The following TPD52 variants were observed in gnomAD, a reference collection of about 807,000 sequenced individuals.
TPD52 encodes prostate and colon associated protein.
Under a neutral mutation model 31.3 loss-of-function variants are expected in TPD52, and 17 were observed. The observed-to-expected ratio is 0.54, with a 90% confidence interval of 0.37 to 0.82. The LOEUF (loss-of-function observed/expected upper bound fraction) is 0.82. Ranked by LOEUF, TPD52 falls within the 40% of genes least tolerant of loss-of-function variation. TPD52 has a pLI of 0.00. For synonymous variants in TPD52, 83 were observed against 89.6 expected, an observed-to-expected ratio of 0.93 and a Z score of 0.42; for missense variants, 212 against 240.1, an observed-to-expected ratio of 0.88 and a Z score of 0.77.
chr8:80,126,273 A>C (rs1406540148), intron 1 of TPD52, among the ~76,000 whole-genome samples: 2 of 151,968 alleles, frequency 1.3e-5, no homozygotes, highest in Non-Finnish European at 2.9e-5. Context: ...CTCAAATTCT[A>C]TAACTTATTC....
chr8:80,164,013 T>TGAGAGAGAGAGAGA (rs36124247), intron 1 of TPD52, among the ~76,000 whole-genome samples: 17 of 123,654 alleles, frequency 1.4e-4, no homozygotes, highest in Non-Finnish European at 2.5e-4. Context: ...ATTCTAACTG[T>TGAGAGAGAGAGAGA]GAGAGAGAGA....
chr8:80,075,104 C>T (rs1372292541), intron 1 of TPD52, among the ~76,000 whole-genome samples: 2 of 152,056 alleles, frequency 1.3e-5, no homozygotes, highest in Non-Finnish European at 2.9e-5. Context: ...CTCAGCCTCC[C>T]GAGTAGCTGG....
intron 1 of TPD52, among the ~76,000 whole-genome samples, chr8:80,170,817 TTG>T (rs756543055): frequency 1.1e-4 from 16 of 152,190 alleles, no homozygotes; most frequent in Non-Finnish European, 2.1e-4. Flanking sequence ...ACTGAAGGTT[TTG>T]TGTTGTGGGA....
intron 1 of TPD52, among the ~76,000 whole-genome samples, chr8:80,115,290 A>C (rs1330151336): frequency 6.6e-6 from 1 of 152,172 alleles, no homozygotes; most frequent in African/African-American, 2.4e-5. Context: ...AATGAATAAA[A>C]AACAGTGACC....
intron 7 of TPD52, among the ~76,000 whole-genome samples, chr8:80,041,240 A>G (rs1810356300): frequency 6.6e-6 from 1 of 152,182 alleles, no homozygotes; most frequent in South Asian, 2.1e-4. Context: ...GTGTATACCT[A>G]TGTAACAAGC....
At chr8:80,059,355 T>C (rs1013503989) in intron 2 of TPD52, among the ~76,000 whole-genome samples, 3 of 151,936 alleles carry the variant, frequency 2.0e-5, no homozygotes, top group African/African-American at 7.3e-5. Context: ...AAAAAAAATC[T>C]CAATAACCTA....
At chr8:80,068,024 C>T (rs966178642) in intron 1 of TPD52, among the ~76,000 whole-genome samples, 5 of 150,344 alleles carry the variant, frequency 3.3e-5, no homozygotes, top group African/African-American at 1.2e-4. Context: ...TATTGAAAAC[C>T]ATAATCCAAA....
At position 80,086,877 on chromosome 8, in the gene TPD52, C is replaced by CAAAAAAAAA. The variant is rs58864911; in HGVS notation, c.20-22293_20-22285dup. Among the ~76,000 whole-genome samples the CAAAAAAAAA allele has an allele frequency of 4.8e-4, 37 of 76,570 alleles. 1 individual carries two copies. Among genetic ancestry groups the CAAAAAAAAA allele is most frequent in the Non-Finnish European group, 6.5e-4 (27 of 41,766 alleles). 50.2% of individuals were successfully genotyped at this position (76,570 alleles called of 152,430 possible). On this transcript the variant is annotated intron_variant, in intron 1 of 7. Transcript: ENST00000518937. ...CAACAAGAGTGAGACGCTGTCTCAA[C>CAAAAAAAAA]AAAAAAAAAAAAAAAAAAAAAAAAA...
At chr8:80,056,202 C>T (rs766474044) in intron 2 of TPD52, among the ~76,000 whole-genome samples, 1 of 152,146 alleles carries the variant, frequency 6.6e-6, no homozygotes, top group Non-Finnish European at 1.5e-5. Flanking sequence ...AGAATGAAAT[C>T]CTGTAATTTG....
chr8:80,166,252 G>T (rs1811701440), intron 1 of TPD52, among the ~76,000 whole-genome samples: 1 of 152,086 alleles, frequency 6.6e-6, no homozygotes, highest in African/African-American at 2.4e-5. Flanking sequence ...GGTGGAGGTT[G>T]CAGTGAGCCA....
At chr8:80,115,302 G>A (rs1807788130) in intron 1 of TPD52, among the ~76,000 whole-genome samples, 2 of 152,102 alleles carry the variant, frequency 1.3e-5, no homozygotes, top group Admixed American at 1.3e-4. Context: ...ACAGTGACCT[G>A]ACAAACCAAT....
chr8:80,131,456 G>A (rs765206675), intron 1 of TPD52, among the ~76,000 whole-genome samples: 1 of 152,170 alleles, frequency 6.6e-6, no homozygotes, highest in Non-Finnish European at 1.5e-5. Context: ...GGTATCAACT[G>A]TATCCAGGTA....
At chr8:80,053,463 C>T (rs756644990) in intron 2 of TPD52, 33 bp from the exon 3 acceptor site, 7 of 1,599,190 alleles carry the variant, frequency 4.4e-6, no homozygotes, top group Non-Finnish European at 5.1e-6. Flanking sequence ...AAGAATATAG[C>T]AAAAGTCATT....
At chr8:80,044,070 A>C in intron 6 of TPD52, 97 bp downstream of exon 6, 1 of 1,041,400 alleles carries the variant, frequency 9.6e-7, no homozygotes, top group East Asian at 2.8e-5. Flanking sequence ...TTTCAAGGGG[A>C]ATTCTAGTTC....
chr8:80,123,271 G>C (rs538999303), intron 1 of TPD52, among the ~76,000 whole-genome samples: 7 of 152,276 alleles, frequency 4.6e-5, no homozygotes, highest in African/African-American at 1.4e-4. Context: ...CTAGGATGCT[G>C]GTGGCTTAGA....
At chr8:80,159,944 A>T (rs1045269818) in intron 1 of TPD52, among the ~76,000 whole-genome samples, 41 of 152,222 alleles carry the variant, frequency 2.7e-4, no homozygotes, top group Non-Finnish European at 4.4e-5. Context: ...TAATCCCAGC[A>T]CTTCGGTAGG....
intron 1 of TPD52, among the ~76,000 whole-genome samples, chr8:80,125,100 A>G (rs1234737553): frequency 6.6e-6 from 1 of 152,208 alleles, no homozygotes; most frequent in Non-Finnish European, 1.5e-5. Context: ...GTTTATCAAG[A>G]TGGGAAGAGT....
chr8:80,164,898 CAAAAAAAAAAAAAAAAAAA>C (rs34027501), intron 1 of TPD52, among the ~76,000 whole-genome samples: 3 of 31,906 alleles, frequency 9.4e-5, no homozygotes, highest in Admixed American at 5.1e-4. Context: ...GACAATGTCT[CAAAAAAAAAAAAAAAAAAA>C]AAAAAAAAAA....
intron 1 of TPD52, among the ~76,000 whole-genome samples, chr8:80,098,098 A>G (rs1343194243): frequency 6.6e-6 from 1 of 152,234 alleles, no homozygotes; most frequent in African/African-American, 2.4e-5. Flanking sequence ...GTTGAGAGCT[A>G]CTGCTCAGAT....
Sources: allele counts gnomAD v4.1 joint callset (sites outside exome capture counted in the v4.1 genomes callset), GRCh38; gene constraint gnomAD v4.1.1; transcripts MANE v1.5; gene names NCBI Gene and HGNC (gene_info 2026-07-23, HGNC 2026-07-21).